Variants in ROBO2 observed in about 807,000 individuals in gnomAD.
The protein encoded by ROBO2 is roundabout homolog 2.
ROBO2 carries 53 observed loss-of-function variants against 160.8 expected under a neutral mutation model. That is an observed-to-expected ratio of 0.33 (90% confidence interval 0.26 to 0.41). The LOEUF (loss-of-function observed/expected upper bound fraction) is 0.41. Among genes scored for constraint, ROBO2 ranks in the 10% least tolerant of loss-of-function variants. The pLI is 1.00. For synonymous variants in ROBO2, 664 were observed against 611.7 expected (o/e 1.09, Z -1.26); for missense variants, 1,577 against 1,722.4 (o/e 0.92, Z 1.49).
intron 2 of ROBO2, among the ~76,000 whole-genome samples, chr3:76,591,098 T>G (rs1267262514): frequency 6.6e-6 from 1 of 152,134 alleles, no homozygotes; most frequent in East Asian, 1.9e-4. Context: ...TAACTACTAA[T>G]AGCCTACTGA....
chr3:76,651,009 T>A (rs761165928), intron 2 of ROBO2, among the ~76,000 whole-genome samples: 3 of 152,156 alleles, frequency 2.0e-5, no homozygotes, highest in Non-Finnish European at 2.9e-5. Context: ...CTAAATCAAT[T>A]TTATTAGTCA....
At chr3:77,196,721 T>C (rs1412616998) in intron 2 of ROBO2, among the ~76,000 whole-genome samples, 1 of 152,058 alleles carries the variant, frequency 6.6e-6, no homozygotes, top group Non-Finnish European at 1.5e-5. Flanking sequence ...TAATAAAAAA[T>C]GGCTTGAGTT....
chr3:76,967,020 G>A (rs758868214), intron 2 of ROBO2, among the ~76,000 whole-genome samples: 7 of 152,058 alleles, frequency 4.6e-5, no homozygotes, highest in African/African-American at 7.2e-5. Context: ...AGCATCTATC[G>A]CAGGCCAGAG....
chr3:77,127,208 T>G (rs908281586), intron 2 of ROBO2, among the ~76,000 whole-genome samples: 12 of 152,164 alleles, frequency 7.9e-5, no homozygotes, highest in Non-Finnish European at 1.5e-4. Context: ...TTTCTTATGT[T>G]CAGGAGCACC....
chr3:76,416,655 A>G (rs138790251), intron 2 of ROBO2, among the ~76,000 whole-genome samples: 3 of 152,280 alleles, frequency 2.0e-5, no homozygotes, highest in African/African-American at 7.2e-5. Context: ...ATTTTAATGT[A>G]CCGATTTATA....
intron 2 of ROBO2, among the ~76,000 whole-genome samples, chr3:75,981,799 A>C (rs1210551811): frequency 1.3e-5 from 2 of 151,380 alleles, no homozygotes; most frequent in Non-Finnish European, 3.0e-5. Flanking sequence ...AGTGAATTTA[A>C]AATATACAAT....
At chr3:76,708,021 A>T (rs912811708) in intron 2 of ROBO2, among the ~76,000 whole-genome samples, 1 of 152,118 alleles carries the variant, frequency 6.6e-6, no homozygotes, top group African/African-American at 2.4e-5. Flanking sequence ...TGTAAACTGG[A>T]ATTTGGAATG....
intron 2 of ROBO2, among the ~76,000 whole-genome samples, chr3:76,634,483 G>T (rs13098193): frequency 2.0e-5 from 3 of 151,732 alleles, no homozygotes; most frequent in African/African-American, 7.3e-5. Flanking sequence ...CAGGAGAATC[G>T]CTTGAACCTG....
At chr3:76,212,963 T>A (rs1703245815) in intron 2 of ROBO2, among the ~76,000 whole-genome samples, 1 of 151,844 alleles carries the variant, frequency 6.6e-6, no homozygotes, top group South Asian at 2.1e-4. Context: ...AGGGTAAAGG[T>A]GAATGCTACA....
chr3:76,837,508 T>A (rs2109448609), intron 2 of ROBO2, among the ~76,000 whole-genome samples: 1 of 151,806 alleles, frequency 6.6e-6, no homozygotes, highest in South Asian at 2.1e-4. Context: ...ATAGTTTTTT[T>A]TCTTTTTATG....
chr3:76,752,302 G>A (rs373413639), intron 2 of ROBO2, among the ~76,000 whole-genome samples: 3 of 151,830 alleles, frequency 2.0e-5, no homozygotes, highest in South Asian at 2.1e-4. Flanking sequence ...GTGGGGGTAG[G>A]GGGGAGGGAT....
intron 2 of ROBO2, among the ~76,000 whole-genome samples, chr3:77,188,842 A>C (rs562244115): frequency 6.6e-6 from 1 of 152,002 alleles, no homozygotes; most frequent in Non-Finnish European, 1.5e-5. Context: ...GACTAGAATA[A>C]AAGGGATTAT....
chr3:76,568,463 AT>A (rs56210601), intron 2 of ROBO2, among the ~76,000 whole-genome samples: 13,925 of 142,988 alleles, frequency 0.097, 855 homozygotes, highest in African/African-American at 0.17. Context: ...CGCCCAGATA[AT>A]TTTTTTTTTT....
intron 2 of ROBO2, among the ~76,000 whole-genome samples, chr3:76,980,431 T>C (rs569495213): frequency 3.9e-5 from 6 of 152,296 alleles, no homozygotes; most frequent in Admixed American, 3.9e-4. Flanking sequence ...CATCTTCCCC[T>C]TTAATTTTCT....
At chr3:75,921,900 A>G (rs1576147517) in intron 1 of ROBO2, among the ~76,000 whole-genome samples, 1 of 152,096 alleles carries the variant, frequency 6.6e-6, no homozygotes, top group East Asian at 1.9e-4. Context: ...GTAAAGCTGG[A>G]GTACATTTCA....
chr3:77,481,322 A>T, intron 4 of ROBO2, 103 bp downstream of exon 4: 2 of 876,150 alleles, frequency 2.3e-6, no homozygotes, highest in Non-Finnish European at 3.2e-6. Context: ...ACAGTTACTC[A>T]TGACTCATGG....
At chr3:77,470,026 A>G (rs1306622963) in intron 2 of ROBO2, among the ~76,000 whole-genome samples, 4 of 152,200 alleles carry the variant, frequency 2.6e-5, no homozygotes, top group Non-Finnish European at 4.4e-5. Flanking sequence ...CAAAAGTAAG[A>G]GAACAAAGGG....
At chr3:77,327,054 A>G (rs1227893586) in intron 2 of ROBO2, among the ~76,000 whole-genome samples, 2 of 152,222 alleles carry the variant, frequency 1.3e-5, no homozygotes, top group African/African-American at 4.8e-5. Context: ...CAATTGAATG[A>G]TATTATAAAA....
At chr3:77,244,992 T>C (rs2089554135) in intron 2 of ROBO2, among the ~76,000 whole-genome samples, 1 of 150,736 alleles carries the variant, frequency 6.6e-6, no homozygotes, top group Admixed American at 6.6e-5. Context: ...TTTGAAATAA[T>C]TTTATTCAGA....
Sources: allele counts gnomAD v4.1 joint callset (sites outside exome capture counted in the v4.1 genomes callset), GRCh38; gene constraint gnomAD v4.1.1; transcripts MANE v1.5; gene names NCBI Gene and HGNC (gene_info 2026-07-23, HGNC 2026-07-21).